The following PSPC1 variants were observed in gnomAD, a reference collection of about 807,000 sequenced individuals.
PSPC1 encodes the protein paraspeckle component 1.
PSPC1 carries 14 observed loss-of-function variants against 51.6 expected under a neutral mutation model. The ratio of observed to expected loss-of-function variants is 0.27; its 90% CI spans 0.18 to 0.42. PSPC1 has a LOEUF of 0.42. Ranked by LOEUF, PSPC1 falls within the 10% of genes least tolerant of loss-of-function variation. The pLI, the probability that PSPC1 is intolerant of heterozygous loss-of-function variation, is 1.00. For missense variants in PSPC1, 406 were observed against 701.1 expected (o/e 0.58, Z 4.75); for synonymous variants, 193 against 231.9 (o/e 0.83, Z 1.53).
At chr13:19,698,951 TA>T (rs1027738508), downstream of PSPC1, among the ~76,000 whole-genome samples, 15 of 151,556 alleles carry the variant, frequency 9.9e-5, 1 homozygote, top group Admixed American at 5.3e-4. Flanking sequence ...TTTCATCAGG[TA>T]AAAAAAAGTG....
chr13:19,694,706 C>T (rs1430005878), intron 6 of PSPC1, among the ~76,000 whole-genome samples: 1 of 152,218 alleles, frequency 6.6e-6, no homozygotes, highest in East Asian at 1.9e-4. Flanking sequence ...CCTCATCTCA[C>T]TAGTCCCATT....
chr13:19,771,648 A>G (rs1888640824), intron 2 of PSPC1, among the ~76,000 whole-genome samples: 1 of 148,754 alleles, frequency 6.7e-6, no homozygotes, highest in Admixed American at 6.7e-5. Context: ...TTTTTTTGAG[A>G]CAGAGTCTGT....
At chr13:19,720,539 T>C (rs545276042) in intron 6 of PSPC1, among the ~76,000 whole-genome samples, 6 of 152,356 alleles carry the variant, frequency 3.9e-5, no homozygotes, top group Admixed American at 3.3e-4. Flanking sequence ...TGTTAGTACA[T>C]ATTTTCTTCT....
rs536858610 is a variant in PSPC1 at position 19,723,777 on chromosome 13, C to T, written c.1158+6462G>A. 3.3e-5 allele frequency among the ~76,000 whole-genome samples: 5 copies of T among 152,078 alleles called. No homozygotes were observed. The South Asian group carries it at 8.3e-4, about 25-fold the overall frequency. On this transcript the variant is annotated intron_variant, in intron 6 of 8. Transcript: ENST00000338910. The stretch of plus-strand genomic sequence containing the variant: ...TCTAAGTTAAGTTACAATTATGTAC[C>T]GTGCCAAATATTGAGAAAAATCCTT...
chr13:19,720,008 A>G (rs1387640305), intron 6 of PSPC1, among the ~76,000 whole-genome samples: 1 of 152,182 alleles, frequency 6.6e-6, no homozygotes, highest in Non-Finnish European at 1.5e-5. Flanking sequence ...CATACACCTG[A>G]GAGCATTTTC....
chr13:19,703,702 G>A lies in PSPC1; in HGVS notation c.1387-342C>T, dbSNP rs368549358. Among the ~76,000 whole-genome samples the A allele has an allele frequency of 1.2e-4, 19 of 152,088 alleles. 1 individual carries two copies. In the South Asian group the frequency reaches 3.7e-3, roughly 30 times the overall value. ...CTTTTTTCAAAAGTTTATATTGCAT[G>A]AAACTACGCTATGTAAGAAAAATAC... On this transcript the variant is annotated intron_variant, in intron 8 of 8. Transcript: ENST00000338910.
intron 6 of PSPC1, among the ~76,000 whole-genome samples, chr13:19,685,009 CA>C (rs1238290326): frequency 1.3e-5 from 2 of 152,134 alleles, no homozygotes; most frequent in Non-Finnish European, 2.9e-5. Flanking sequence ...TGTAAATGTA[CA>C]AAACTTCATT....
At chr13:19,671,391 T>C, downstream of PSPC1, 1 of 1,027,816 alleles carries the variant, frequency 9.7e-7, no homozygotes, top group Non-Finnish European at 1.5e-6. Context: ...GGTGTACCTG[T>C]CCTAGAGACA....
chr13:19,713,914 A>C lies in PSPC1; in HGVS notation c.1159-4315T>G, dbSNP rs369434823. ...GTACTATCATCAGACTTTTCTCTGT[A>C]TCAACATTCACTACATTTAATGGTG... On this transcript the variant is annotated intron_variant, in intron 6 of 8. Coordinates refer to ENST00000338910, the MANE Select transcript of PSPC1 (RefSeq NM_001354909.2). Among the ~76,000 whole-genome samples the C allele has an allele frequency of 2.0e-3, 312 of 152,290 alleles. 1 individual carries two copies. The highest frequency in any genetic ancestry group is 7.2e-3 in the African/African-American group (301 of 41,532).
downstream of PSPC1, among the ~76,000 whole-genome samples, chr13:19,673,784 G>A (rs1250979492): frequency 1.3e-5 from 2 of 152,142 alleles, no homozygotes; most frequent in African/African-American, 2.4e-5. Flanking sequence ...TTATCCGGGG[G>A]AAAAAGCCTG....
chr13:19,769,722 C>T (rs560470580), intron 2 of PSPC1, among the ~76,000 whole-genome samples: 2 of 150,870 alleles, frequency 1.3e-5, no homozygotes, highest in Non-Finnish European at 1.5e-5. Flanking sequence ...GCAACAAGAG[C>T]GAAAACTCCG....
At chr13:19,772,932 C>T (rs1593773590) in intron 1 of PSPC1, among the ~76,000 whole-genome samples, 1 of 152,176 alleles carries the variant, frequency 6.6e-6, no homozygotes, top group East Asian at 1.9e-4. Context: ...GAGGCTGAGG[C>T]GGGCGGATCA....
intron 4 of PSPC1, among the ~76,000 whole-genome samples, chr13:19,749,637 C>CTCT (rs1886332581): frequency 7.2e-6 from 1 of 138,310 alleles, no homozygotes; most frequent in East Asian, 2.1e-4. Context: ...GACAGTTTAT[C>CTCT]TTTTTTTTTT....
intron 1 of PSPC1, among the ~76,000 whole-genome samples, chr13:19,774,771 C>G (rs983396739): frequency 6.1e-5 from 9 of 146,384 alleles, no homozygotes; most frequent in African/African-American, 2.3e-4. Context: ...CACCACTGCA[C>G]TCCAGCCTGG....
intron 1 of PSPC1, among the ~76,000 whole-genome samples, chr13:19,781,021 G>C (rs1889899891): frequency 6.6e-6 from 1 of 151,892 alleles, no homozygotes; most frequent in African/African-American, 2.4e-5. Context: ...GGCAGGCTTG[G>C]GGGTGCGTGA....
chr13:19,762,394 A>T (rs1252567811), intron 2 of PSPC1, among the ~76,000 whole-genome samples: 1 of 151,742 alleles, frequency 6.6e-6, no homozygotes, highest in Admixed American at 6.6e-5. Flanking sequence ...CATCTCTACT[A>T]AAAAAAATAA....
In PSPC1 at chr13:19,730,314, T is replaced by C. The variant is rs375996002; in HGVS notation, c.1083A>G (p.Glu361=). 3.5e-4 allele frequency: 571 copies of C among 1,614,180 alleles called. 3 individuals are homozygous for C. Among genetic ancestry groups the C allele is most frequent in the Middle Eastern group, 2.6e-3 (16 of 6,062 alleles). ...CCTGTTCTCTGTGTCGGATCATTTC[T>C]TCCTCACGCCGCCGATGCTCCTCTT... The part of the protein sequence containing the change: ...RHEEEHRRRE[E]EMIRHREQEE... Residue 361 remains glutamate (E), a synonymous_variant, in exon 6 of 9, where the codon GAA becomes GAG. Transcript: ENST00000338910.
Position 19,722,598 on chromosome 13 carries a change from A to G in PSPC1, c.1158+7641T>C, listed in dbSNP as rs1178598650. 2.6e-5 allele frequency among the ~76,000 whole-genome samples: 4 copies of G among 152,296 alleles called. No individual in the cohort carries two copies. The East Asian group carries it at 7.7e-4, about 29-fold the overall frequency. On this transcript the variant is annotated intron_variant, in intron 6 of 8. Transcript: ENST00000338910. ...CACCTGAGGACAGGGGTTCGAGACC[A>G]GCCTGGCCAACACGGTGAAACCCCG... is the stretch of plus-strand genomic sequence containing the variant.
At chr13:19,741,928 T>C (rs1218036398) in intron 4 of PSPC1, among the ~76,000 whole-genome samples, 1 of 152,040 alleles carries the variant, frequency 6.6e-6, no homozygotes. Flanking sequence ...GGCCAGGAGT[T>C]TGAGACCAGC....
Sources: allele counts gnomAD v4.1 joint callset (sites outside exome capture counted in the v4.1 genomes callset), GRCh38; gene constraint gnomAD v4.1.1; transcripts MANE v1.5; gene names NCBI Gene and HGNC (gene_info 2026-07-23, HGNC 2026-07-21).